Variants in EXOC6B observed in about 807,000 individuals in gnomAD.
EXOC6B encodes exocyst complex component 6B.
Under a neutral mutation model 113.5 loss-of-function variants are expected in EXOC6B, and 54 were observed. That is an observed-to-expected ratio of 0.48 (90% CI 0.38 to 0.60). The LOEUF is 0.60. Ranked by LOEUF, EXOC6B falls within the 20% of genes least tolerant of loss-of-function variation. The pLI is 0.00. For missense variants in EXOC6B, 797 were observed against 977.5 expected, an observed-to-expected ratio of 0.82 and a Z score of 2.46; for synonymous variants, 357 against 339.0, an observed-to-expected ratio of 1.05 and a Z score of -0.58.
At chr2:72,658,902 C>T (rs1302295287) in intron 6 of EXOC6B, among the ~76,000 whole-genome samples, 1 of 151,858 alleles carries the variant, frequency 6.6e-6, no homozygotes, top group Non-Finnish European at 1.5e-5. Context: ...TTATACAAAC[C>T]ATGATGTCTT....
At chr2:72,495,206 A>G (rs1364838235) in intron 15 of EXOC6B, among the ~76,000 whole-genome samples, 1 of 152,160 alleles carries the variant, frequency 6.6e-6, no homozygotes, top group African/African-American at 2.4e-5. Context: ...ATGCAAATCT[A>G]TAAAGAATAA....
chr2:72,453,426 A>G (rs1697026324), intron 18 of EXOC6B, among the ~76,000 whole-genome samples: 1 of 152,264 alleles, frequency 6.6e-6, no homozygotes, highest in Non-Finnish European at 1.5e-5. Context: ...TTTTGAAGAA[A>G]ACTAAGAAGT....
At chr2:72,431,224 A>G (rs1695499768) in intron 18 of EXOC6B, among the ~76,000 whole-genome samples, 1 of 152,204 alleles carries the variant, frequency 6.6e-6, no homozygotes, top group Non-Finnish European at 1.5e-5. Flanking sequence ...CTTACCTAAT[A>G]TAGAAACTCT....
At chr2:72,592,235 T>C (rs1706015099) in intron 6 of EXOC6B, among the ~76,000 whole-genome samples, 1 of 152,172 alleles carries the variant, frequency 6.6e-6, no homozygotes, top group Admixed American at 6.5e-5. Flanking sequence ...GAGAGACCAA[T>C]ATTTGTAGCC....
chr2:72,575,820 A>G (rs1704815672), intron 6 of EXOC6B, among the ~76,000 whole-genome samples, 152 bp from the exon 7 acceptor site: 1 of 152,188 alleles, frequency 6.6e-6, no homozygotes, highest in Admixed American at 6.5e-5. Flanking sequence ...ATACTACAAC[A>G]AAAGGCCTTA....
chr2:72,514,940 AACACACACACACAGACACAC>A, intron 9 of EXOC6B, 83 bp downstream of exon 9: 3 of 1,019,632 alleles, frequency 2.9e-6, no homozygotes, highest in Non-Finnish European at 2.8e-6. Context: ...AATGACAGTA[AACACACACACACAGACACAC>A]ACACACACAC....
At chr2:72,365,137 T>C (rs1690540817) in intron 19 of EXOC6B, among the ~76,000 whole-genome samples, 1 of 152,112 alleles carries the variant, frequency 6.6e-6, no homozygotes, top group Non-Finnish European at 1.5e-5. Context: ...GTGAAAGGCA[T>C]GGGAGTGTGC....
chr2:72,790,455 T>A (rs1488766785), intron 1 of EXOC6B, among the ~76,000 whole-genome samples: 4 of 152,014 alleles, frequency 2.6e-5, no homozygotes, highest in African/African-American at 7.2e-5. Context: ...AGGGAAAAAA[T>A]TAAAATAAGG....
chr2:72,666,610 T>C (rs1675408806), intron 6 of EXOC6B, among the ~76,000 whole-genome samples: 1 of 152,084 alleles, frequency 6.6e-6, no homozygotes, highest in African/African-American at 2.4e-5. Flanking sequence ...GACTATATGA[T>C]TATATACTTA....
chr2:72,712,427 C>A (rs976433336), intron 6 of EXOC6B, among the ~76,000 whole-genome samples: 2 of 152,116 alleles, frequency 1.3e-5, no homozygotes, highest in African/African-American at 4.8e-5. Context: ...ATGGTGTCAA[C>A]CATTGCTGTG....
chr2:72,772,729 C>A (rs546481715), intron 1 of EXOC6B, among the ~76,000 whole-genome samples: 5 of 152,194 alleles, frequency 3.3e-5, no homozygotes, highest in Non-Finnish European at 7.3e-5. Context: ...CCAACCTATG[C>A]ACTCGACCAA....
chr2:72,377,944 A>G (rs1431191095), intron 19 of EXOC6B, among the ~76,000 whole-genome samples: 2 of 146,228 alleles, frequency 1.4e-5, no homozygotes, highest in East Asian at 1.9e-4. Context: ...ACAAATGTAC[A>G]TGATGAACAT....
At chr2:72,353,408 G>A (rs1198014963) in intron 19 of EXOC6B, among the ~76,000 whole-genome samples, 3 of 110,474 alleles carry the variant, frequency 2.7e-5, no homozygotes, top group African/African-American at 2.1e-4. Context: ...GCCTCGCTCT[G>A]TCGCCCAGGC....
At chr2:72,459,074 C>T (rs1697446954) in intron 18 of EXOC6B, among the ~76,000 whole-genome samples, 1 of 151,866 alleles carries the variant, frequency 6.6e-6, no homozygotes, top group African/African-American at 2.4e-5. Flanking sequence ...AAGGATAAAC[C>T]CAGCATATAA....
chr2:72,300,064 G>T (rs1183762638), intron 20 of EXOC6B, among the ~76,000 whole-genome samples: 1 of 152,192 alleles, frequency 6.6e-6, no homozygotes, highest in Non-Finnish European at 1.5e-5. Flanking sequence ...TTGGAGATCT[G>T]CTGCTCTCTT....
At chr2:72,456,351 G>T (rs886619780) in intron 18 of EXOC6B, among the ~76,000 whole-genome samples, 1 of 152,000 alleles carries the variant, frequency 6.6e-6, no homozygotes, top group African/African-American at 2.4e-5. Context: ...AATGACATAT[G>T]ACTCAAAAAT....
intron 14 of EXOC6B, 30 bp downstream of exon 14, chr2:72,496,424 C>T (rs768633033): frequency 2.4e-5 from 34 of 1,399,984 alleles, no homozygotes; most frequent in Admixed American, 3.9e-5. Flanking sequence ...CCAAAACAAC[C>T]AGAGAAATTT....
chr2:72,780,282 T>C lies in EXOC6B; in HGVS notation c.114-38813A>G, dbSNP rs1028834073. Among the ~76,000 whole-genome samples the C allele has an allele frequency of 2.2e-4, 34 of 152,332 alleles. 1 individual carries two copies. Among genetic ancestry groups the C allele is most frequent in the African/African-American group, 7.2e-4 (30 of 41,582 alleles). On this transcript the variant is annotated intron_variant, in intron 1 of 21. Coordinates refer to ENST00000272427, the MANE Select transcript of EXOC6B (RefSeq NM_015189.3). ...CATACCTACAATACAATGAATTTTC[T>C]AAATTTCCAAATGCCCTTATGACAA...
intron 6 of EXOC6B, among the ~76,000 whole-genome samples, chr2:72,603,184 T>G (rs1484258183): frequency 6.6e-6 from 1 of 151,508 alleles, no homozygotes; most frequent in Non-Finnish European, 1.5e-5. Flanking sequence ...CTGACAGTCA[T>G]GTCAGAGCCT....
Sources: gnomAD v4.1 joint callset for allele counts (sites outside exome capture counted in the v4.1 genomes callset) on GRCh38, gnomAD v4.1.1 for gene constraint, MANE v1.5 for transcripts, NCBI Gene and HGNC (gene_info 2026-07-23, HGNC 2026-07-21) for gene names.